ADARB2: variants seen among roughly 807,000 people sequenced by gnomAD.
ADARB2 encodes the protein inactive double-stranded RNA-specific editase B2.
ADARB2 carries 25 observed loss-of-function variants against 62.2 expected under a neutral mutation model. That is an observed-to-expected ratio of 0.40 (90% confidence interval 0.29 to 0.56). ADARB2 has a LOEUF of 0.56. Among genes scored for constraint, ADARB2 ranks in the 20% least tolerant of loss-of-function variants. The pLI is 0.43. For missense variants in ADARB2, 1,071 were observed against 1,077.4 expected (o/e 0.99, Z 0.08); for synonymous variants, 572 against 500.8 (o/e 1.14, Z -1.90).
intron 4 of ADARB2, among the ~76,000 whole-genome samples, chr10:1,243,607 A>G (rs943858363): frequency 3.9e-5 from 6 of 152,178 alleles, no homozygotes; most frequent in Non-Finnish European, 8.8e-5. Context: ...TTCGTGAGAT[A>G]AAAGGGTGGT....
At chr10:1,631,864 A>C (rs958823281) in intron 1 of ADARB2, among the ~76,000 whole-genome samples, 2 of 152,242 alleles carry the variant, frequency 1.3e-5, no homozygotes, top group Admixed American at 6.5e-5. Flanking sequence ...AGTGTCATAG[A>C]AATTCTAAAC....
At chr10:1,625,563 T>C (rs1833756212) in intron 1 of ADARB2, among the ~76,000 whole-genome samples, 2 of 151,842 alleles carry the variant, frequency 1.3e-5, no homozygotes, top group South Asian at 4.2e-4. Flanking sequence ...GCTCCACAGG[T>C]GGAGGCCACA....
intron 2 of ADARB2, among the ~76,000 whole-genome samples, chr10:1,371,091 G>C (rs573468126): frequency 6.6e-6 from 1 of 152,156 alleles, no homozygotes; most frequent in Admixed American, 6.5e-5. Flanking sequence ...GTATTGGTAC[G>C]AAGATAGACA....
chr10:1,418,303 G>T (rs1832822487), intron 1 of ADARB2, among the ~76,000 whole-genome samples: 2 of 152,208 alleles, frequency 1.3e-5, no homozygotes, highest in Non-Finnish European at 2.9e-5. Context: ...GGTGGGCTCA[G>T]GGTCAGGCCT....
chr10:1,498,318 T>C (rs1230523629), intron 1 of ADARB2, among the ~76,000 whole-genome samples: 1 of 152,030 alleles, frequency 6.6e-6, no homozygotes, highest in East Asian at 1.9e-4. Flanking sequence ...GAGGTTGCAG[T>C]AAGCCAAGAT....
At chr10:1,724,078 C>A (rs1041472653) in intron 1 of ADARB2, among the ~76,000 whole-genome samples, 3 of 152,190 alleles carry the variant, frequency 2.0e-5, no homozygotes, top group Non-Finnish European at 4.4e-5. Context: ...AAGTCCTGAC[C>A]TGTGGTGCCT....
chr10:1,408,275 A>G (rs1281266676), intron 1 of ADARB2, among the ~76,000 whole-genome samples: 1 of 152,258 alleles, frequency 6.6e-6, no homozygotes, highest in Non-Finnish European at 1.5e-5. Flanking sequence ...CATTCCAATG[A>G]AAATATATCC....
chr10:1,737,019 G>A, intron 1 of ADARB2, 32 bp downstream of exon 1: 1 of 1,604,726 alleles, frequency 6.2e-7, no homozygotes, highest in Admixed American at 1.7e-5. Context: ...GGGTGAAGGG[G>A]GGCAGGGGCC....
intron 4 of ADARB2, among the ~76,000 whole-genome samples, chr10:1,249,584 CAG>C (rs1564235463): frequency 6.6e-6 from 1 of 151,426 alleles, no homozygotes; most frequent in Non-Finnish European, 1.5e-5. Flanking sequence ...TCAAGTGGAA[CAG>C]AGGGATTTTT....
At chr10:1,591,488 T>C (rs1349673331) in intron 1 of ADARB2, among the ~76,000 whole-genome samples, 1 of 152,182 alleles carries the variant, frequency 6.6e-6, no homozygotes, top group Non-Finnish European at 1.5e-5. Flanking sequence ...GCAGGGGTCT[T>C]CATGGGAGCC....
chr10:1,278,114 C>T (rs185874806), intron 3 of ADARB2, among the ~76,000 whole-genome samples: 3 of 152,064 alleles, frequency 2.0e-5, no homozygotes, highest in South Asian at 2.1e-4. Flanking sequence ...GGACTACAGG[C>T]GCGCGCCACT....
At chr10:1,322,065 A>G (rs867577255) in intron 3 of ADARB2, among the ~76,000 whole-genome samples, 38 of 151,738 alleles carry the variant, frequency 2.5e-4, no homozygotes, top group African/African-American at 9.3e-4. Flanking sequence ...TGGACTCAGG[A>G]GACACCAGTT....
intron 1 of ADARB2, among the ~76,000 whole-genome samples, chr10:1,519,618 C>A (rs1281555059): frequency 6.6e-6 from 1 of 152,094 alleles, no homozygotes; most frequent in African/African-American, 2.4e-5. Context: ...TCTCTGTCAG[C>A]CCCGGGCCCT....
intron 1 of ADARB2, among the ~76,000 whole-genome samples, chr10:1,464,842 T>C (rs71491396): frequency 2.0e-5 from 3 of 149,672 alleles, no homozygotes; most frequent in South Asian, 2.1e-4. Flanking sequence ...GGCAGTGCAC[T>C]GGAGAAGAGG....
At chr10:1,292,668 G>A (rs1047571444) in intron 3 of ADARB2, 4 of 152,130 alleles carry the variant, frequency 2.6e-5, no homozygotes, top group African/African-American at 7.2e-5. Context: ...GAGGTGGTTC[G>A]GGTGCCGCGC....
chr10:1,219,237 T>C (rs1387946379), intron 6 of ADARB2, among the ~76,000 whole-genome samples: 1 of 152,136 alleles, frequency 6.6e-6, no homozygotes, highest in Non-Finnish European at 1.5e-5. Context: ...TCTTTATAAA[T>C]TACCCAGTCT....
Position 1,250,335 on chromosome 10 carries a change from G to A in ADARB2, c.1193-8036C>T, listed in dbSNP as rs1831025362. ...GGGGTGATGGGACCTAGTGGGAGGT[G>A]TTTGGGTCATGGGGTGGATTCCTTA... On this transcript the variant is annotated intron_variant, in intron 4 of 9. Coordinates refer to ENST00000381312, the MANE Select transcript of ADARB2 (RefSeq NM_018702.4). 2.0e-5 allele frequency among the ~76,000 whole-genome samples: 3 copies of A among 152,082 alleles called. No individual in the cohort carries two copies. In the South Asian group the frequency reaches 6.2e-4, roughly 32 times the overall value.
chr10:1,590,052 G>T (rs1316562236), intron 1 of ADARB2, among the ~76,000 whole-genome samples: 1 of 152,210 alleles, frequency 6.6e-6, no homozygotes, highest in Non-Finnish European at 1.5e-5. Flanking sequence ...AGAGTGTCCA[G>T]GCCCCTGTGG....
intron 1 of ADARB2, among the ~76,000 whole-genome samples, chr10:1,658,812 G>A (rs1317058958): frequency 6.6e-6 from 1 of 152,246 alleles, no homozygotes; most frequent in East Asian, 1.9e-4. Flanking sequence ...TGTGCTCTGA[G>A]CTAGTCTCGC....
Sources: allele counts gnomAD v4.1 joint callset (sites outside exome capture counted in the v4.1 genomes callset), GRCh38; gene constraint gnomAD v4.1.1; transcripts MANE v1.5; gene names NCBI Gene and HGNC (gene_info 2026-07-23, HGNC 2026-07-21).